The following ZNF385D variants were observed in gnomAD, a reference collection of about 807,000 sequenced individuals.
The protein encoded by ZNF385D is zinc finger protein 659.
In ZNF385D, 15 loss-of-function variants were observed where a neutral mutation model predicts 35.8. The ratio of observed to expected loss-of-function variants is 0.42; its 90% CI spans 0.28 to 0.64. The LOEUF is 0.64. ZNF385D is among the 30% of genes least tolerant of loss of function. The probability of loss-of-function intolerance (pLI) is 0.23; values close to 1 mark genes in which losing one functional copy is unlikely to be tolerated. For synonymous variants in ZNF385D, 212 were observed against 186.8 expected, an observed-to-expected ratio of 1.13 and a Z score of -1.10; for missense variants, 474 against 494.6, an observed-to-expected ratio of 0.96 and a Z score of 0.39.
chr3:22,247,089 G>A (rs1430154712), intron 2 of ZNF385D, among the ~76,000 whole-genome samples: 1 of 151,902 alleles, frequency 6.6e-6, no homozygotes, highest in Non-Finnish European at 1.5e-5. Flanking sequence ...ATTCTATTCT[G>A]TTAGATTTTA....
intron 3 of ZNF385D, among the ~76,000 whole-genome samples, chr3:21,767,055 G>A (rs925485493): frequency 5.3e-5 from 8 of 151,776 alleles, no homozygotes; most frequent in South Asian, 2.1e-4. Context: ...AATAATGTGC[G>A]TACAACCCCC....
intron 3 of ZNF385D, among the ~76,000 whole-genome samples, chr3:22,136,843 T>C (rs1261255274): frequency 6.6e-6 from 1 of 152,078 alleles, no homozygotes; most frequent in Admixed American, 6.6e-5. Context: ...TGAAAAGGCA[T>C]ACACTGTAGA....
chr3:21,536,422 T>C (rs2062037002), intron 3 of ZNF385D, among the ~76,000 whole-genome samples: 2 of 152,120 alleles, frequency 1.3e-5, no homozygotes, highest in African/African-American at 4.8e-5. Context: ...CTCCATTTAT[T>C]GTCATGGTGT....
At chr3:21,617,483 C>T (rs1044789382) in intron 2 of ZNF385D, among the ~76,000 whole-genome samples, 1 of 152,170 alleles carries the variant, frequency 6.6e-6, no homozygotes, top group South Asian at 2.1e-4. Context: ...AGAGTGCTCC[C>T]GTGGTCCAGA....
At chr3:21,879,435 G>A (rs1450579200) in intron 3 of ZNF385D, among the ~76,000 whole-genome samples, 1 of 151,988 alleles carries the variant, frequency 6.6e-6, no homozygotes, top group Non-Finnish European at 1.5e-5. Context: ...ATTAAGAACA[G>A]TTATGTCATC....
chr3:22,043,961 G>A (rs746853532), intron 3 of ZNF385D, among the ~76,000 whole-genome samples: 1 of 152,102 alleles, frequency 6.6e-6, no homozygotes, highest in Non-Finnish European at 1.5e-5. Context: ...CCAGGCTGGA[G>A]TGGGTTGAGA....
upstream of ZNF385D, chr3:21,751,416 C>A (rs562454796): frequency 2.0e-4 from 200 of 1,008,714 alleles, 1 homozygote; most frequent in East Asian, 2.9e-3. Flanking sequence ...CAGGAACACA[C>A]AGGAGAAATT....
intron 3 of ZNF385D, among the ~76,000 whole-genome samples, chr3:22,116,547 A>G (rs1370878309): frequency 6.6e-6 from 1 of 152,118 alleles, no homozygotes; most frequent in African/African-American, 2.4e-5. Context: ...AAATGTATAG[A>G]AAGGAGAAGA....
At chr3:22,059,943 A>C (rs1383741440) in intron 3 of ZNF385D, among the ~76,000 whole-genome samples, 1 of 152,216 alleles carries the variant, frequency 6.6e-6, no homozygotes, top group Non-Finnish European at 1.5e-5. Context: ...TTGAAGATCC[A>C]GATAGACCTG....
intron 3 of ZNF385D, among the ~76,000 whole-genome samples, chr3:22,128,008 C>A (rs1190157018): frequency 2.0e-5 from 3 of 152,118 alleles, no homozygotes; most frequent in Non-Finnish European, 4.4e-5. Flanking sequence ...TCTCATTGCT[C>A]ATTACATCCT....
At chr3:22,358,965 G>A (rs1696281493) in intron 2 of ZNF385D, among the ~76,000 whole-genome samples, 1 of 150,714 alleles carries the variant, frequency 6.6e-6, no homozygotes, top group Non-Finnish European at 1.5e-5. Flanking sequence ...ACATAGCCAG[G>A]CCCAGTACCA....
At position 21,599,867 on chromosome 3, in the gene ZNF385D, A is replaced by G. The variant is rs552400988; in HGVS notation, c.166-35183T>C. Reference sequence around the variant, plus strand: ...TCATCTTGAATATGAGCTGGGTAAAATGATGTTGAGACCTACTGGGCTGCA... The same window carrying G: ...TCATCTTGAATATGAGCTGGGTAAAGTGATGTTGAGACCTACTGGGCTGCA... On this transcript the variant is annotated intron_variant, in intron 2 of 7. Transcript: ENST00000281523. Among the ~76,000 whole-genome samples the G allele has an allele frequency of 5.9e-5, 9 of 152,278 alleles. 1 individual carries two copies. The South Asian group carries it at 1.9e-3, about 32-fold the overall frequency.
At chr3:21,961,714 G>T (rs746799198) in intron 3 of ZNF385D, among the ~76,000 whole-genome samples, 5 of 152,048 alleles carry the variant, frequency 3.3e-5, no homozygotes, top group Non-Finnish European at 5.9e-5. Context: ...ATCCATATAG[G>T]ATTCTAACAT....
intron 2 of ZNF385D, among the ~76,000 whole-genome samples, chr3:22,260,997 T>A (rs1700598215): frequency 6.6e-6 from 1 of 152,048 alleles, no homozygotes; most frequent in African/African-American, 2.4e-5. Context: ...TAAAGTGGCA[T>A]TTTAATATTA....
At chr3:22,264,103 C>T (rs934803201) in intron 2 of ZNF385D, among the ~76,000 whole-genome samples, 4 of 151,886 alleles carry the variant, frequency 2.6e-5, no homozygotes, top group Non-Finnish European at 4.4e-5. Context: ...CTAAGACAGA[C>T]TCCAAGGGGC....
chr3:21,580,562 AT>A lies in ZNF385D; in HGVS notation c.166-15879del, dbSNP rs112913587. Among the ~76,000 whole-genome samples the A allele has an allele frequency of 3.9e-5, 6 of 152,004 alleles. 1 individual carries two copies. The highest frequency in any genetic ancestry group is 1.4e-4 in the African/African-American group (6 of 41,480). On this transcript the variant is annotated intron_variant, in intron 2 of 7. Coordinates refer to ENST00000281523, the MANE Select transcript of ZNF385D (RefSeq NM_024697.3). The stretch of plus-strand genomic sequence containing the variant: ...ACATTTTTTTCTTGCTTTACTGCCT[AT>A]TTTTTTCTTTGTTTCAGTCACCATT...
At chr3:22,035,305 G>A (rs1478638538) in intron 3 of ZNF385D, among the ~76,000 whole-genome samples, 1 of 152,104 alleles carries the variant, frequency 6.6e-6, no homozygotes, top group Non-Finnish European at 1.5e-5. Context: ...AAACAGGGCT[G>A]GACAGTCTTG....
intron 1 of ZNF385D, among the ~76,000 whole-genome samples, chr3:21,749,867 C>T (rs559203703): frequency 6.6e-6 from 1 of 152,172 alleles, no homozygotes; most frequent in Non-Finnish European, 1.5e-5. Context: ...AGTGCCCCAA[C>T]CTAAGTTTAT....
At chr3:22,271,743 G>A (rs546243948) in intron 2 of ZNF385D, among the ~76,000 whole-genome samples, 38 of 151,756 alleles carry the variant, frequency 2.5e-4, no homozygotes, top group Admixed American at 5.3e-4. Context: ...CCGATCCTCC[G>A]TAACCCCTCC....
Sources: gnomAD v4.1 joint callset for allele counts (sites outside exome capture counted in the v4.1 genomes callset) on GRCh38, gnomAD v4.1.1 for gene constraint, MANE v1.5 for transcripts, NCBI Gene and HGNC (gene_info 2026-07-23, HGNC 2026-07-21) for gene names.